Variants in GRAMD1B observed in about 807,000 individuals in gnomAD.
GRAMD1B encodes GRAM domain containing 1B.
Under a neutral mutation model 99.7 loss-of-function variants are expected in GRAMD1B, and 37 were observed. That is an observed-to-expected ratio of 0.37 (90% CI 0.29 to 0.49). GRAMD1B has a LOEUF of 0.49. Ranked by LOEUF, GRAMD1B falls within the 20% of genes least tolerant of loss-of-function variation. GRAMD1B has a pLI of 0.98. For synonymous variants in GRAMD1B, 427 were observed against 387.6 expected (o/e 1.10, Z -1.19); for missense variants, 888 against 1,009.2 (o/e 0.88, Z 1.63).
chr11:123,569,783 G>T, intron 2 of GRAMD1B, among the ~76,000 whole-genome samples: 1 of 152,210 alleles, frequency 6.6e-6, no homozygotes, highest in East Asian at 1.9e-4. Context: ...CTGGATAACA[G>T]GGTAGTCTTC....
At chr11:123,392,487 A>C (rs1947316304) in intron 1 of GRAMD1B, among the ~76,000 whole-genome samples, 2 of 151,796 alleles carry the variant, frequency 1.3e-5, no homozygotes, top group South Asian at 4.2e-4. Flanking sequence ...GTTTCATATC[A>C]ATTCTGGCAA....
chr11:123,577,391 C>G lies in GRAMD1B; in HGVS notation c.477C>G (p.Ser159Arg). 1 of 1,591,218 alleles carries G rather than the reference C, an allele frequency of 6.3e-7. No homozygotes were observed. Among genetic ancestry groups the G allele is most frequent in the Non-Finnish European group, 8.6e-7 (1 of 1,169,376 alleles). Reference sequence around the variant, plus strand: ...GCACTGCCAGTAACTCCAACCGCAGCACGCCGGCCTGCTCGCCCATCCTCC... The same window carrying G: ...GCACTGCCAGTAACTCCAACCGCAGGACGCCGGCCTGCTCGCCCATCCTCC... ...EESTASNSNR[S>R]TPACSPILRK... Residue 159 changes from serine to arginine, a missense_variant, in exon 3 of 20, where the codon AGC becomes AGG. This residue lies in a region of GRAMD1B where 233 missense variants were observed against 154.6 expected (regional missense o/e 1.51). Coordinates refer to ENST00000635736, the MANE Select transcript of GRAMD1B (RefSeq NM_001387025.1).
chr11:123,464,940 T>G (rs1950594961), intron 1 of GRAMD1B, among the ~76,000 whole-genome samples: 1 of 151,648 alleles, frequency 6.6e-6, no homozygotes, highest in Non-Finnish European at 1.5e-5. Flanking sequence ...TGGGGAGAAG[T>G]GAGGGTGTGG....
intron 1 of GRAMD1B, among the ~76,000 whole-genome samples, chr11:123,445,876 T>C (rs943519807): frequency 1.3e-5 from 2 of 150,324 alleles, no homozygotes; most frequent in Admixed American, 1.3e-4. Flanking sequence ...GGAAAGAGGA[T>C]TGGTTGCACT....
chr11:123,372,119 C>T (rs1946548159), intron 1 of GRAMD1B, among the ~76,000 whole-genome samples: 1 of 152,170 alleles, frequency 6.6e-6, no homozygotes, highest in African/African-American at 2.4e-5. Flanking sequence ...ACAGGTGGTT[C>T]TGATTTCTTC....
At chr11:123,524,259 T>A (rs1942470313) in intron 2 of GRAMD1B, among the ~76,000 whole-genome samples, 1 of 150,502 alleles carries the variant, frequency 6.6e-6, no homozygotes. Flanking sequence ...ACAAAGCAGA[T>A]AATAAGTCAT....
At chr11:123,414,200 A>G (rs1159489451) in intron 1 of GRAMD1B, among the ~76,000 whole-genome samples, 4 of 152,088 alleles carry the variant, frequency 2.6e-5, no homozygotes, top group African/African-American at 9.7e-5. Context: ...GCGTACCACC[A>G]TGCCTGGCTA....
At chr11:123,571,009 G>T (rs1041788973) in intron 2 of GRAMD1B, among the ~76,000 whole-genome samples, 2 of 152,212 alleles carry the variant, frequency 1.3e-5, no homozygotes, top group African/African-American at 4.8e-5. Flanking sequence ...ATGCGCCAGG[G>T]CTGGGGCAGC....
chr11:123,594,047 G>T, intron 4 of GRAMD1B, 35 bp from the exon 5 acceptor site: 1 of 1,414,848 alleles, frequency 7.1e-7, no homozygotes. Flanking sequence ...ACAGAACCGG[G>T]GTACATCCTA....
At chr11:123,560,025 T>C (rs1946541585) in intron 2 of GRAMD1B, among the ~76,000 whole-genome samples, 1 of 151,212 alleles carries the variant, frequency 6.6e-6, no homozygotes, top group South Asian at 2.1e-4. Context: ...CCGGGGAACA[T>C]GGTCTTGTAT....
At chr11:123,545,116 C>A (rs1944926579) in intron 2 of GRAMD1B, among the ~76,000 whole-genome samples, 1 of 152,182 alleles carries the variant, frequency 6.6e-6, no homozygotes, top group Non-Finnish European at 1.5e-5. Flanking sequence ...CTCACAGCCA[C>A]CAGCTCCCCT....
chr11:123,553,682 C>A (rs1305605842), intron 2 of GRAMD1B, among the ~76,000 whole-genome samples: 2 of 152,188 alleles, frequency 1.3e-5, no homozygotes, highest in Non-Finnish European at 2.9e-5. Flanking sequence ...CATTTGGACA[C>A]CCCTGAACCA....
At chr11:123,544,473 T>C (rs1944866389) in intron 2 of GRAMD1B, among the ~76,000 whole-genome samples, 2 of 152,232 alleles carry the variant, frequency 1.3e-5, no homozygotes, top group South Asian at 4.1e-4. Flanking sequence ...CTTTGCTCTT[T>C]TAGTTCATAT....
chr11:123,463,111 T>C (rs1950515381), intron 1 of GRAMD1B, among the ~76,000 whole-genome samples: 1 of 152,128 alleles, frequency 6.6e-6, no homozygotes, highest in African/African-American at 2.4e-5. Flanking sequence ...TAGGTTCAAG[T>C]GATTCTCATG....
At chr11:123,598,136 A>G (rs1951513606) in intron 7 of GRAMD1B, 6 of 1,590,628 alleles carry the variant, frequency 3.8e-6, no homozygotes, top group Non-Finnish European at 5.2e-6. Context: ...TGGGATGCCC[A>G]AACACCTCAT....
intron 1 of GRAMD1B, among the ~76,000 whole-genome samples, chr11:123,366,514 A>C (rs1946325804): frequency 6.6e-6 from 1 of 152,262 alleles, no homozygotes; most frequent in Non-Finnish European, 1.5e-5. Context: ...CAACAGCCAG[A>C]TTTAATTTAG....
chr11:123,380,176 T>C (rs1175190881), intron 1 of GRAMD1B, among the ~76,000 whole-genome samples: 1 of 152,252 alleles, frequency 6.6e-6, no homozygotes, highest in Non-Finnish European at 1.5e-5. Context: ...AACCTTCTAA[T>C]TTCGATGACG....
chr11:123,421,331 C>G (rs551331048), intron 1 of GRAMD1B, among the ~76,000 whole-genome samples: 1 of 152,210 alleles, frequency 6.6e-6, no homozygotes, highest in Non-Finnish European at 1.5e-5. Context: ...TGTTTGCCAA[C>G]AAATGCAGAC....
At chr11:123,413,512 A>ATT (rs61376053) in intron 1 of GRAMD1B, among the ~76,000 whole-genome samples, 7 of 149,672 alleles carry the variant, frequency 4.7e-5, no homozygotes, top group African/African-American at 9.8e-5. Context: ...ATTTGCCCAT[A>ATT]TTTTTTTTTT....
Sources: gnomAD v4.1 joint callset for allele counts (sites outside exome capture counted in the v4.1 genomes callset) on GRCh38, gnomAD v4.1.1 for gene constraint, gnomAD v4.1.1 regional missense constraint, MANE v1.5 for transcripts, NCBI Gene and HGNC (gene_info 2026-07-23, HGNC 2026-07-21) for gene names.